KCNIP4: variants seen among roughly 807,000 people sequenced by gnomAD.
KCNIP4 encodes potassium voltage-gated channel interacting protein 4, also known as Kv channel-interacting protein 4.
Under a neutral mutation model 34.0 loss-of-function variants are expected in KCNIP4, and 12 were observed. The observed-to-expected ratio is 0.35, with a 90% CI of 0.23 to 0.57. KCNIP4 has a LOEUF of 0.57. KCNIP4 is among the 20% of genes least tolerant of loss of function. The pLI, the probability that KCNIP4 is intolerant of heterozygous loss-of-function variation, is 0.83. For synonymous variants in KCNIP4, 124 were observed against 102.2 expected (o/e 1.21, Z -1.29); for missense variants, 238 against 311.7 (o/e 0.76, Z 1.78).
At chr4:20,995,276 G>A (rs1385468820) in intron 1 of KCNIP4, among the ~76,000 whole-genome samples, 2 of 152,126 alleles carry the variant, frequency 1.3e-5, no homozygotes, top group East Asian at 3.9e-4. Flanking sequence ...GCTGTGGGAA[G>A]TGCTTTATAT....
At chr4:20,976,867 C>T (rs1735542734) in intron 1 of KCNIP4, among the ~76,000 whole-genome samples, 1 of 152,018 alleles carries the variant, frequency 6.6e-6, no homozygotes, top group Non-Finnish European at 1.5e-5. Flanking sequence ...GAGTTTTGCT[C>T]TTGTTGCCCA....
intron 1 of KCNIP4, among the ~76,000 whole-genome samples, chr4:21,664,356 A>G (rs10049965): frequency 0.3 from 45,242 of 151,730 alleles, 8,042 homozygotes; most frequent in East Asian, 0.75. Flanking sequence ...GACCTGTCAA[A>G]CAAAAAACAG....
chr4:20,822,593 A>G (rs1248248873), intron 3 of KCNIP4, among the ~76,000 whole-genome samples: 2 of 152,196 alleles, frequency 1.3e-5, no homozygotes, highest in Non-Finnish European at 2.9e-5. Context: ...AGAGGAAAGG[A>G]GTCATTTTGT....
chr4:21,015,347 C>A (rs1161933547), intron 1 of KCNIP4, among the ~76,000 whole-genome samples: 2 of 141,812 alleles, frequency 1.4e-5, no homozygotes, highest in East Asian at 2.0e-4. Flanking sequence ...AGATGAGAAA[C>A]AATGATACTC....
chr4:21,455,236 TC>T (rs1454195738), intron 1 of KCNIP4, among the ~76,000 whole-genome samples: 5 of 152,046 alleles, frequency 3.3e-5, no homozygotes, highest in Non-Finnish European at 5.9e-5. Flanking sequence ...TCCTCCCTTT[TC>T]CTCAAGCTGT....
chr4:20,842,262 T>A (rs1719823475), intron 3 of KCNIP4, among the ~76,000 whole-genome samples: 1 of 151,966 alleles, frequency 6.6e-6, no homozygotes, highest in South Asian at 2.1e-4. Flanking sequence ...GTGGAGAAGG[T>A]GTAGCTGTTG....
intron 1 of KCNIP4, among the ~76,000 whole-genome samples, chr4:21,185,510 C>T (rs376351008): frequency 2.6e-5 from 4 of 151,204 alleles, no homozygotes; most frequent in South Asian, 2.1e-4. Flanking sequence ...TTCTCTTTTT[C>T]CTTCTCCTTC....
At chr4:21,573,227 G>A (rs1740489671) in intron 1 of KCNIP4, among the ~76,000 whole-genome samples, 1 of 152,048 alleles carries the variant, frequency 6.6e-6, no homozygotes, top group Non-Finnish European at 1.5e-5. Context: ...CAATATGTCA[G>A]GCACAGTACC....
At chr4:20,974,427 A>C (rs1735282441) in intron 1 of KCNIP4, among the ~76,000 whole-genome samples, 1 of 150,276 alleles carries the variant, frequency 6.7e-6, no homozygotes, top group Admixed American at 6.6e-5. Context: ...GGTTTCACTT[A>C]AAGCTGAAAT....
chr4:21,741,356 A>G (rs1716391381), intron 1 of KCNIP4, among the ~76,000 whole-genome samples: 1 of 152,180 alleles, frequency 6.6e-6, no homozygotes, highest in African/African-American at 2.4e-5. Context: ...AACAACTAAC[A>G]GAATGGACGT....
At chr4:21,008,693 T>G (rs1738789750) in intron 1 of KCNIP4, among the ~76,000 whole-genome samples, 1 of 151,648 alleles carries the variant, frequency 6.6e-6, no homozygotes, top group South Asian at 2.1e-4. Context: ...CCGGCTAATT[T>G]TTTTGCATTT....
At chr4:21,470,560 A>T (rs1481058544) in intron 1 of KCNIP4, among the ~76,000 whole-genome samples, 1 of 152,200 alleles carries the variant, frequency 6.6e-6, no homozygotes, top group Non-Finnish European at 1.5e-5. Context: ...AGGCAAATGC[A>T]CTAGACATTG....
At chr4:21,270,213 A>C (rs1762057458) in intron 1 of KCNIP4, among the ~76,000 whole-genome samples, 1 of 152,186 alleles carries the variant, frequency 6.6e-6, no homozygotes, top group Non-Finnish European at 1.5e-5. Flanking sequence ...CTGTTGGTCA[A>C]ATTAACACTT....
At position 21,369,248 on chromosome 4, in the gene KCNIP4, T is replaced by C. The variant is rs1720092071; in HGVS notation, c.62-486539A>G. Among the ~76,000 whole-genome samples the C allele has an allele frequency of 1.4e-5, 2 of 147,406 alleles. 1 individual carries two copies. The highest frequency in any genetic ancestry group is 5.4e-5 in the African/African-American group (2 of 37,022). ...AAATTAACACTAAATAAATGATGGT[T>C]ATCAATATTAACATTAAAGCTTTTA... On this transcript the variant is annotated intron_variant, in intron 1 of 8. Coordinates refer to ENST00000382152, the MANE Select transcript of KCNIP4 (RefSeq NM_025221.6).
intron 1 of KCNIP4, among the ~76,000 whole-genome samples, chr4:21,065,359 A>G (rs537256231): frequency 1.3e-5 from 2 of 152,276 alleles, no homozygotes; most frequent in South Asian, 4.1e-4. Context: ...AGATGTTGGC[A>G]GATGACCGTA....
intron 1 of KCNIP4, among the ~76,000 whole-genome samples, chr4:21,101,954 G>A (rs1747985182): frequency 6.6e-6 from 1 of 152,074 alleles, no homozygotes; most frequent in Non-Finnish European, 1.5e-5. Context: ...AGAAAGCTAA[G>A]AGAGGTGGAA....
intron 1 of KCNIP4, among the ~76,000 whole-genome samples, chr4:21,446,858 G>T (rs1160898180): frequency 1.3e-5 from 2 of 151,966 alleles, no homozygotes; most frequent in Non-Finnish European, 2.9e-5. Context: ...TATATTAATA[G>T]TTCATTGCTT....
At chr4:20,971,343 A>C (rs1192846796) in intron 1 of KCNIP4, among the ~76,000 whole-genome samples, 1 of 152,188 alleles carries the variant, frequency 6.6e-6, no homozygotes, top group Non-Finnish European at 1.5e-5. Flanking sequence ...TTAAAAGGAC[A>C]AGTATATTGA....
chr4:21,410,564 T>A (rs951900463), intron 1 of KCNIP4, among the ~76,000 whole-genome samples: 4 of 152,106 alleles, frequency 2.6e-5, no homozygotes, highest in African/African-American at 9.7e-5. Context: ...TTGTTAGCCA[T>A]GTGAGTGAAC....
Sources: gnomAD v4.1 joint callset for allele counts (sites outside exome capture counted in the v4.1 genomes callset) on GRCh38, gnomAD v4.1.1 for gene constraint, MANE v1.5 for transcripts, NCBI Gene and HGNC (gene_info 2026-07-23, HGNC 2026-07-21) for gene names.